The following DYRK1A variants were observed in gnomAD, a reference collection of about 807,000 sequenced individuals.
The protein encoded by DYRK1A is dual specificity tyrosine phosphorylation regulated kinase 1A.
DYRK1A carries 9 observed loss-of-function variants against 79.7 expected under a neutral mutation model. That is an observed-to-expected ratio of 0.11 (90% CI 0.07 to 0.20). The LOEUF (loss-of-function observed/expected upper bound fraction) is 0.20, where lower values mean the gene tolerates loss of function less well. DYRK1A is among the 10% of genes least tolerant of loss of function. The pLI, the probability that DYRK1A is intolerant of heterozygous loss-of-function variation, is 1.00. For synonymous variants in DYRK1A, 349 were observed against 329.7 expected (o/e 1.06, Z -0.63); for missense variants, 622 against 956.0 (o/e 0.65, Z 4.61).
chr21:37,386,758 T>G (rs2049768857), intron 1 of DYRK1A, among the ~76,000 whole-genome samples: 2 of 152,054 alleles, frequency 1.3e-5, no homozygotes, highest in South Asian at 4.1e-4. Flanking sequence ...GGGCCCCAGG[T>G]TTTCTCATTT....
intron 9 of DYRK1A, among the ~76,000 whole-genome samples, chr21:37,500,666 T>A (rs2053414788): frequency 6.6e-6 from 1 of 152,054 alleles, no homozygotes; most frequent in South Asian, 2.1e-4. Flanking sequence ...TTATCCAAAT[T>A]TTTTTTAAGT....
intron 5 of DYRK1A, among the ~76,000 whole-genome samples, chr21:37,483,117 A>C (rs1601240312): frequency 1.3e-5 from 2 of 152,338 alleles, no homozygotes; most frequent in African/African-American, 4.8e-5. Context: ...CAGGCATAGG[A>C]AATCACAAGG....
intron 1 of DYRK1A, among the ~76,000 whole-genome samples, chr21:37,418,318 A>C (rs1444006384): frequency 1.3e-5 from 2 of 152,194 alleles, no homozygotes; most frequent in African/African-American, 4.8e-5. Flanking sequence ...CTTTCATATG[A>C]GTAATGATTA....
intron 1 of DYRK1A, among the ~76,000 whole-genome samples, chr21:37,371,637 G>A (rs1007526080): frequency 3.9e-5 from 6 of 152,128 alleles, no homozygotes; most frequent in Non-Finnish European, 2.9e-5. Flanking sequence ...TTAAAACTAG[G>A]TTTTGACAAG....
intron 2 of DYRK1A, among the ~76,000 whole-genome samples, chr21:37,468,363 T>G (rs1195134785): frequency 1.3e-5 from 2 of 151,956 alleles, no homozygotes; most frequent in Admixed American, 1.3e-4. Context: ...CGCCTTGGCC[T>G]CCCAAAGCCC....
At chr21:37,427,955 A>AG (rs2050673523) in intron 2 of DYRK1A, among the ~76,000 whole-genome samples, 1 of 151,884 alleles carries the variant, frequency 6.6e-6, no homozygotes, top group African/African-American at 2.4e-5. Flanking sequence ...TTCTTAATTT[A>AG]CCAAAGTTTC....
At chr21:37,456,274 C>G (rs2051633224) in intron 2 of DYRK1A, 1 of 152,790 alleles carries the variant, frequency 6.5e-6, no homozygotes, top group Admixed American at 6.5e-5. Flanking sequence ...CCCAGAGGTG[C>G]CCCATGAGAA....
chr21:37,434,857 A>AT (rs1175601139), intron 2 of DYRK1A, among the ~76,000 whole-genome samples: 1 of 152,200 alleles, frequency 6.6e-6, no homozygotes, highest in Non-Finnish European at 1.5e-5. Context: ...GCTTTGTGTG[A>AT]TTTCTCTAAA....
chr21:37,470,277 TC>T lies in DYRK1A; in HGVS notation c.11-2403del, dbSNP rs1395724258. On this transcript the variant is annotated intron_variant, in intron 2 of 11. Coordinates refer to ENST00000647188, the MANE Select transcript of DYRK1A (RefSeq NM_001347721.2). ...GGTTTCTGGGATGCTGGCCATTTTTTCCCCGTTTCGTGACACAGATTGATTT... is the reference window on the plus strand; with the variant it reads ...GGTTTCTGGGATGCTGGCCATTTTTTCCCGTTTCGTGACACAGATTGATTT... Among the ~76,000 whole-genome samples, 8 of 152,172 alleles carry T rather than the reference TC, an allele frequency of 5.3e-5. No homozygotes were observed. In the East Asian group the frequency reaches 7.7e-4, roughly 15 times the overall value.
chr21:37,379,059 G>A (rs1202643137), intron 1 of DYRK1A, among the ~76,000 whole-genome samples: 2 of 152,260 alleles, frequency 1.3e-5, no homozygotes, highest in East Asian at 3.9e-4. Flanking sequence ...TCAGATGAGG[G>A]AGAGAGGGAG....
At chr21:37,425,845 A>C in intron 2 of DYRK1A, 1 of 152,250 alleles carries the variant, frequency 6.6e-6, no homozygotes, top group South Asian at 2.1e-4. Flanking sequence ...GTGCAGAAGG[A>C]GGCATGAGGG....
At chr21:37,412,781 CAT>C (rs147710906) in intron 1 of DYRK1A, among the ~76,000 whole-genome samples, 3,440 of 152,176 alleles carry the variant, frequency 0.023, 81 homozygotes, top group African/African-American at 0.062. Context: ...AAGTGGATAA[CAT>C]GTGGTGCAGG....
At chr21:37,465,929 A>G (rs2052010146) in intron 2 of DYRK1A, among the ~76,000 whole-genome samples, 1 of 152,228 alleles carries the variant, frequency 6.6e-6, no homozygotes, top group South Asian at 2.1e-4. Context: ...GGCACATTAA[A>G]GTCCAAGAAG....
intron 7 of DYRK1A, among the ~76,000 whole-genome samples, chr21:37,491,540 G>A (rs990795650): frequency 1.3e-5 from 2 of 152,032 alleles, no homozygotes; most frequent in East Asian, 3.8e-4. Flanking sequence ...TTAATCATAA[G>A]GATTTATAGC....
rs1555987155 is a variant in DYRK1A at position 37,496,205 on chromosome 21, G to T, written c.1159G>T (p.Glu387Ter). Residue 387 changes from glutamate to a stop codon, truncating the protein, a stop_gained, in exon 9 of 12, where the codon GAG (glutamate) becomes TAG (stop). Coordinates refer to ENST00000647188, the MANE Select transcript of DYRK1A (RefSeq NM_001347721.2). LOFTEE classifies it high-confidence loss of function. ...DQAPKARKFF[E>*]KLPDGTWNLK... ...AGCACCAAAAGCAAGAAAGTTCTTT[G>T]AGAAGTTGCCAGATGGCACTTGGAA... The T allele has an allele frequency of 6.2e-7, 1 of 1,614,094 alleles. No individual in the cohort carries two copies. Among genetic ancestry groups the T allele is most frequent in the South Asian group, 1.1e-5 (1 of 91,058 alleles).
intron 1 of DYRK1A, among the ~76,000 whole-genome samples, chr21:37,386,237 A>G (rs6517412): frequency 0.14 from 21,166 of 152,122 alleles, 1,591 homozygotes; most frequent in Middle Eastern, 0.16. Context: ...AAAAGGTAAT[A>G]CTAATAGAAA....
chr21:37,476,739 G>C lies in DYRK1A; in HGVS notation c.208-1469G>C, dbSNP rs184009981. On this transcript the variant is annotated intron_variant, in intron 3 of 11. Coordinates refer to ENST00000647188, the MANE Select transcript of DYRK1A (RefSeq NM_001347721.2). ...AGCTACTGTTTAGAAAAGTAAGACT[G>C]TCTATTTGAAAAATTAAATCAGATC... Among the ~76,000 whole-genome samples the C allele has an allele frequency of 5.2e-3, 747 of 142,560 alleles. 5 individuals carry two copies. Among genetic ancestry groups the C allele is most frequent in the Non-Finnish European group, 7.9e-3 (505 of 64,140 alleles). The allele number at this position is 142,560 out of a possible 152,430, so 93.5% of individuals were successfully genotyped here. A position where few individuals can be genotyped will look rare whatever the true frequency, so the allele number is the denominator to read the frequency against.
In DYRK1A at chr21:37,409,554, T is replaced by C. The variant is rs921732298; in HGVS notation, c.-76-10745T>C. ...TTGGAAGTACTTAGTGGTTACTCATTGTGGCCCCTAGTTACAGTTCATGAA... is the reference window on the plus strand; with the variant it reads ...TTGGAAGTACTTAGTGGTTACTCATCGTGGCCCCTAGTTACAGTTCATGAA... On this transcript the variant is annotated intron_variant, in intron 1 of 11. Coordinates refer to ENST00000647188, the MANE Select transcript of DYRK1A (RefSeq NM_001347721.2). Among the ~76,000 whole-genome samples the C allele has an allele frequency of 2.6e-5, 4 of 152,318 alleles. No individual in the cohort carries two copies. In the South Asian group the frequency reaches 8.3e-4, roughly 32 times the overall value.
intron 1 of DYRK1A, chr21:37,420,051 C>G (rs1003192139): frequency 1.6e-5 from 3 of 192,848 alleles, no homozygotes; most frequent in African/African-American, 2.3e-5. Flanking sequence ...CTGAAATTTT[C>G]CGTGGTAATA....
Sources: allele counts gnomAD v4.1 joint callset (sites outside exome capture counted in the v4.1 genomes callset), GRCh38; gene constraint gnomAD v4.1.1; transcripts MANE v1.5; gene names NCBI Gene and HGNC (gene_info 2026-07-23, HGNC 2026-07-21).